The following ASCC2 variants were observed in gnomAD, a reference collection of about 807,000 sequenced individuals.
The protein encoded by ASCC2 is ASC-1 complex subunit P100.
Under a neutral mutation model 93.5 loss-of-function variants are expected in ASCC2, and 42 were observed. That is an observed-to-expected ratio of 0.45 (90% CI 0.35 to 0.58). The LOEUF (loss-of-function observed/expected upper bound fraction) is 0.58. ASCC2 is among the 20% of genes least tolerant of loss of function. ASCC2 has a pLI of 0.00. For synonymous variants in ASCC2, 364 were observed against 384.2 expected, an observed-to-expected ratio of 0.95 and a Z score of 0.62; for missense variants, 859 against 977.6, an observed-to-expected ratio of 0.88 and a Z score of 1.62.
chr22:29,821,611 G>T (rs889679929), intron 5 of ASCC2, among the ~76,000 whole-genome samples: 5 of 152,236 alleles, frequency 3.3e-5, no homozygotes, highest in Admixed American at 2.0e-4. Context: ...CTCCAATAAA[G>T]GTTAGCTTAG....
intron 2 of ASCC2, among the ~76,000 whole-genome samples, chr22:29,830,712 C>T (rs778052491): frequency 1.3e-5 from 2 of 152,226 alleles, no homozygotes; most frequent in African/African-American, 4.8e-5. Context: ...TCTCTTAGGT[C>T]GTGGGCTCTT....
chr22:29,793,453 CTG>C lies in ASCC2; in HGVS notation c.1824_1825del (p.His608GlnfsTer7). The C allele has an allele frequency of 6.2e-7, 1 of 1,614,194 alleles. No individual in the cohort carries two copies. The highest frequency in any genetic ancestry group is 1.3e-5 in the African/African-American group (1 of 75,068). Reference sequence around the variant, plus strand: ...ATCGTACTCATCCTCGTAGTAGACACTGTGGTAGGGCAGGCTCTCGCCTGGCT... The same window carrying C: ...ATCGTACTCATCCTCGTAGTAGACACTGGTAGGGCAGGCTCTCGCCTGGCT... On this transcript the variant is annotated frameshift_variant, in exon 17 of 20. Transcript: ENST00000307790. LOFTEE classifies it high-confidence loss of function.
intron 19 of ASCC2, 40 bp downstream of exon 19, chr22:29,790,429 T>C (rs772204226): frequency 2.0e-5 from 32 of 1,606,552 alleles, no homozygotes; most frequent in Admixed American, 3.3e-5. Context: ...CCCCAGATGG[T>C]GGGAGGGGTC....
At chr22:29,792,815 G>A (rs886905342) in intron 17 of ASCC2, among the ~76,000 whole-genome samples, 3 of 151,924 alleles carry the variant, frequency 2.0e-5, no homozygotes, top group Admixed American at 6.6e-5. Flanking sequence ...TTGGGGAATC[G>A]CTGTAACATT....
intron 2 of ASCC2, among the ~76,000 whole-genome samples, chr22:29,826,689 C>T (rs7285800): frequency 0.13 from 19,112 of 152,012 alleles, 1,911 homozygotes; most frequent in African/African-American, 0.28. Flanking sequence ...TTACAAGGTA[C>T]AGAGAAGGTG....
At chr22:29,833,659 G>A (rs1173609920) in intron 1 of ASCC2, 2 of 470,534 alleles carry the variant, frequency 4.3e-6, no homozygotes, top group East Asian at 1.4e-4. Context: ...TCACGGAATA[G>A]AAGTGTATTA....
chr22:29,827,380 C>G, intron 2 of ASCC2: 1 of 313,298 alleles, frequency 3.2e-6, no homozygotes, highest in Non-Finnish European at 6.6e-6. Flanking sequence ...CACAGTCCAT[C>G]CACTTCCAGG....
At chr22:29,827,343 C>T (rs2062499475) in intron 2 of ASCC2, 1 of 244,862 alleles carries the variant, frequency 4.1e-6, no homozygotes, top group Non-Finnish European at 8.4e-6. Flanking sequence ...AGGAGGATGG[C>T]CAGGCAATGT....
At position 29,822,381 on chromosome 22, in the gene ASCC2, G is replaced by A. The variant is rs748494019; in HGVS notation, c.495C>T (p.Cys165=). The change falls in exon 5 of 20, where the codon TGC becomes TGT. Residue 165 remains cysteine, a synonymous_variant. Transcript: ENST00000307790. ...LFDIPKILDL[C]VLFGKGNSPL... ...GTGAGTTGCCTTTTCCAAAGAGCAC[G>A]CAGAGGTCCAGGATCTTTGGAATGT... The A allele has an allele frequency of 2.9e-5, 46 of 1,613,896 alleles. 1 individual carries two copies. Among genetic ancestry groups the A allele is most frequent in the Admixed American group, 1.7e-5 (1 of 59,972 alleles).
In ASCC2 at chr22:29,827,948, G is replaced by GACAC. The variant is rs5844874; in HGVS notation, c.82-2172_82-2169dup. Reference sequence around the variant, plus strand: ...CACACACCAGGCTACTCATTCTTCTGACACACACACACACACACACACACA... The same window carrying GACAC: ...CACACACCAGGCTACTCATTCTTCTGACACACACACACACACACACACACACACA... On this transcript the variant is annotated intron_variant, in intron 2 of 19. Transcript: ENST00000307790. Among the ~76,000 whole-genome samples, 23 of 74,416 alleles carry GACAC rather than the reference G, an allele frequency of 3.1e-4. 4 individuals carry two copies. The South Asian group carries it at 5.8e-3, about 19-fold the overall frequency. The allele number at this position is 74,416 out of a possible 152,430, so 48.8% of individuals were successfully genotyped here. A position where few individuals can be genotyped will look rare whatever the true frequency, so the allele number is the denominator to read the frequency against.
chr22:29,831,905 A>AC, intron 2 of ASCC2, among the ~76,000 whole-genome samples: 1 of 152,078 alleles, frequency 6.6e-6, no homozygotes, highest in East Asian at 1.9e-4. Flanking sequence ...AAACCTGAAC[A>AC]CCCTCCACAG....
chr22:29,830,550 G>A (rs1471981481), intron 2 of ASCC2, among the ~76,000 whole-genome samples: 1 of 128,512 alleles, frequency 7.8e-6, no homozygotes, highest in African/African-American at 3.0e-5. Flanking sequence ...AGCCCTCCTG[G>A]GCTGCACGTA....
At chr22:29,799,712 T>C (rs1300779866) in intron 15 of ASCC2, among the ~76,000 whole-genome samples, 2 of 152,242 alleles carry the variant, frequency 1.3e-5, no homozygotes, top group African/African-American at 4.8e-5. Context: ...GTTCTCTACT[T>C]GGATGTTGTA....
At chr22:29,835,123 T>A (rs775965328) in intron 1 of ASCC2, among the ~76,000 whole-genome samples, 3 of 152,124 alleles carry the variant, frequency 2.0e-5, no homozygotes, top group Non-Finnish European at 4.4e-5. Flanking sequence ...CACGGCCAGG[T>A]GCAGTGGCTC....
intron 8 of ASCC2, 143 bp downstream of exon 8, chr22:29,813,287 C>T: frequency 6.2e-6 from 4 of 642,886 alleles, no homozygotes. Flanking sequence ...GCTTATCTGT[C>T]GTTTTCACTG....
chr22:29,814,853 A>G, intron 6 of ASCC2, 86 bp from the exon 7 acceptor site: 1 of 1,065,446 alleles, frequency 9.4e-7, no homozygotes, highest in Non-Finnish European at 1.4e-6. Flanking sequence ...GTGATCTGAA[A>G]ACTGCCTTGG....
intron 2 of ASCC2, among the ~76,000 whole-genome samples, chr22:29,826,765 G>A (rs1454181715): frequency 1.3e-5 from 2 of 151,954 alleles, no homozygotes; most frequent in African/African-American, 4.8e-5. Flanking sequence ...CCATCTGATG[G>A]GTGTCCTTGC....
At chr22:29,819,191 G>C in intron 5 of ASCC2, among the ~76,000 whole-genome samples, 1 of 151,890 alleles carries the variant, frequency 6.6e-6, no homozygotes, top group African/African-American at 2.4e-5. Flanking sequence ...GCAGAGTTTC[G>C]CTCTTGTTGC....
At chr22:29,822,656 G>T (rs1435002987) in intron 4 of ASCC2, among the ~76,000 whole-genome samples, 192 bp from the exon 5 acceptor site, 16 of 118,798 alleles carry the variant, frequency 1.3e-4, no homozygotes, top group South Asian at 6.3e-4. Flanking sequence ...ATCTATCTAT[G>T]TTTTTGTGTC....
Sources: gnomAD v4.1 joint callset for allele counts (sites outside exome capture counted in the v4.1 genomes callset) on GRCh38, gnomAD v4.1.1 for gene constraint, MANE v1.5 for transcripts, NCBI Gene and HGNC (gene_info 2026-07-23, HGNC 2026-07-21) for gene names.